The following PCDHGA7 variants were observed in gnomAD, a reference collection of about 807,000 sequenced individuals.
PCDHGA7 encodes protocadherin gamma-A7.
Under a neutral mutation model 58.3 loss-of-function variants are expected in PCDHGA7, and 44 were observed. The observed-to-expected ratio is 0.75, with a 90% CI of 0.59 to 0.97. PCDHGA7 has a LOEUF of 0.97. Among genes scored for constraint, PCDHGA7 ranks in the 50% least tolerant of loss-of-function variants. The pLI, the probability that PCDHGA7 is intolerant of heterozygous loss-of-function variation, is 0.00. For synonymous variants in PCDHGA7, 516 were observed against 504.2 expected (o/e 1.02, Z -0.31); for missense variants, 1,266 against 1,188.7 (o/e 1.06, Z -0.96).
Position 141,431,141 on chromosome 5 carries a change from G to T in PCDHGA7, c.2424+45818G>T. 1.2e-6 allele frequency: 2 copies of T among 1,614,212 alleles called. No homozygotes were observed. Among genetic ancestry groups the T allele is most frequent in the South Asian group, 1.1e-5 (1 of 91,084 alleles). On this transcript the variant is annotated intron_variant, in intron 1 of 3. Coordinates refer to ENST00000518325, the MANE Select transcript of PCDHGA7 (RefSeq NM_018920.4). This position sits in a 1 kb window ranked among gnomAD's most constrained non-coding sequence, Gnocchi z 4.8. ...AGAAGTAGAAGTAAGGGACATTAACGACAATGCGCCTTACTTTCGTGAAAG... is the reference window on the plus strand; with the variant it reads ...AGAAGTAGAAGTAAGGGACATTAACTACAATGCGCCTTACTTTCGTGAAAG...
intron 1 of PCDHGA7, chr5:141,418,211 C>T (rs752988020): frequency 1.2e-6 from 2 of 1,613,916 alleles, no homozygotes; most frequent in East Asian, 4.5e-5. Context: ...AAATATTTTT[C>T]ATGTCATTGT....
chr5:141,404,585 A>G (rs541341061), intron 1 of PCDHGA7: 2 of 1,614,006 alleles, frequency 1.2e-6, no homozygotes, highest in East Asian at 2.2e-5. Context: ...ACTTAGCAGC[A>G]ATGTGTCATT....
rs779651957 is a variant in PCDHGA7, at chr5:141,431,167, T to G, written c.2424+45844T>G. 2 of 1,614,118 alleles carry G rather than the reference T, an allele frequency of 1.2e-6. No individual in the cohort carries two copies. Among genetic ancestry groups the G allele is most frequent in the Non-Finnish European group, 1.7e-6 (2 of 1,180,014 alleles). The stretch of plus-strand genomic sequence containing the variant: ...ACAATGCGCCTTACTTTCGTGAAAG[T>G]GAATTAGAAATAAAAATTAGTGAAA... On this transcript the variant is annotated intron_variant, in intron 1 of 3. Transcript: ENST00000518325. The surrounding 1 kb of genome is among the most constrained non-coding windows in gnomAD (Gnocchi z 4.8).
At chr5:141,506,680 A>G (rs949777571) in intron 3 of PCDHGA7, among the ~76,000 whole-genome samples, 1 of 152,212 alleles carries the variant, frequency 6.6e-6, no homozygotes, top group Non-Finnish European at 1.5e-5. Context: ...ATATATTATT[A>G]TCTTTGCTGA....
At position 141,433,142 on chromosome 5, in the gene PCDHGA7, G is replaced by T. The variant is rs2097571106; in HGVS notation, c.2424+47819G>T. On this transcript the variant is annotated intron_variant, in intron 1 of 3. Coordinates refer to ENST00000518325, the MANE Select transcript of PCDHGA7 (RefSeq NM_018920.4). ...AAAAAGCGAGCCCCTTTTGCTGTCA[G>T]GTGATTCGGTATTTTCTAAAGACAG... The T allele has an allele frequency of 4.7e-5, 76 of 1,613,992 alleles. No homozygotes were observed. Among genetic ancestry groups the T allele is most frequent in the Non-Finnish European group, 6.4e-5 (76 of 1,180,016 alleles).
intron 1 of PCDHGA7, among the ~76,000 whole-genome samples, chr5:141,481,223 A>C (rs935737972): frequency 3.3e-5 from 5 of 152,242 alleles, no homozygotes; most frequent in Non-Finnish European, 7.3e-5. Context: ...AAGGTCTCCC[A>C]GCCTTAAAGT....
At chr5:141,430,206 TTATTA>T (rs1267858049) in intron 1 of PCDHGA7, among the ~76,000 whole-genome samples, 2 of 151,984 alleles carry the variant, frequency 1.3e-5, no homozygotes, top group African/African-American at 4.8e-5. Flanking sequence ...AAAGTTTAAA[TTATTA>T]TATTATATGA....
chr5:141,432,362 C>T lies in PCDHGA7; in HGVS notation c.2424+47039C>T. On this transcript the variant is annotated intron_variant, in intron 1 of 3. Transcript: ENST00000518325. The surrounding 1 kb of genome is among the most constrained non-coding windows in gnomAD (Gnocchi z 6.0). ...AGACTTGCAAGTGAAAGTGATGGCG[C>T]GGGACAACGGGCACCCGCCCCTCAG... 2 of 1,614,218 alleles carry T rather than the reference C, an allele frequency of 1.2e-6. No homozygotes were observed. Among genetic ancestry groups the T allele is most frequent in the South Asian group, 2.2e-5 (2 of 91,082 alleles).
At chr5:141,394,591 C>A in intron 1 of PCDHGA7, 2 of 1,613,762 alleles carry the variant, frequency 1.2e-6, no homozygotes, top group Non-Finnish European at 1.7e-6. Context: ...AAGGTGGTGG[C>A]GGTGGACAGA....
chr5:141,390,408 T>C, intron 1 of PCDHGA7: 1 of 1,254,846 alleles, frequency 8.0e-7, no homozygotes, highest in Non-Finnish European at 1.1e-6. Context: ...AGGAAAGTTG[T>C]AGTCAGTTAA....
At chr5:141,414,646 A>G in intron 1 of PCDHGA7, 2 of 1,613,928 alleles carry the variant, frequency 1.2e-6, no homozygotes, top group Non-Finnish European at 1.7e-6. Context: ...GAATGCCCAG[A>G]TTATTTACTC....
At chr5:141,495,452 C>T (rs543717781) in intron 2 of PCDHGA7, among the ~76,000 whole-genome samples, 1 of 152,356 alleles carries the variant, frequency 6.6e-6, no homozygotes, top group Non-Finnish European at 1.5e-5. Context: ...TTGTCCTGCT[C>T]TCTGTCTGTG....
intron 1 of PCDHGA7, among the ~76,000 whole-genome samples, chr5:141,460,120 A>C (rs1404213559): frequency 1.3e-5 from 2 of 151,956 alleles, no homozygotes; most frequent in Non-Finnish European, 2.9e-5. Flanking sequence ...ATTTTTATAT[A>C]TGTAATATAT....
chr5:141,441,840 C>T (rs2098278154), intron 1 of PCDHGA7: 1 of 355,864 alleles, frequency 2.8e-6, no homozygotes, highest in Non-Finnish European at 5.5e-6. Flanking sequence ...GCTTCGCGCT[C>T]TTGGATATGG....
intron 1 of PCDHGA7, chr5:141,422,118 ACAAACTGGAGAAGTT>A (rs1243312753): frequency 6.2e-7 from 1 of 1,604,312 alleles, no homozygotes; most frequent in Non-Finnish European, 8.5e-7. Flanking sequence ...AATTGGATTC[ACAAACTGGAGAAGTT>A]CAAGTACGGG....
At chr5:141,421,926 C>A in intron 1 of PCDHGA7, 1 of 1,613,460 alleles carries the variant, frequency 6.2e-7, no homozygotes, top group Non-Finnish European at 8.5e-7. Flanking sequence ...GTGTGGTGGT[C>A]CTCGATGTAA....
intron 1 of PCDHGA7, among the ~76,000 whole-genome samples, chr5:141,472,516 G>T (rs545962540): frequency 2.0e-5 from 3 of 152,072 alleles, no homozygotes; most frequent in Non-Finnish European, 4.4e-5. Flanking sequence ...CTCCAGCCTG[G>T]GTGACAGAGT....
intron 1 of PCDHGA7, among the ~76,000 whole-genome samples, chr5:141,461,644 A>C (rs1266858748): frequency 1.3e-5 from 2 of 151,868 alleles, no homozygotes; most frequent in Non-Finnish European, 2.9e-5. Flanking sequence ...TTCTTCTTTG[A>C]CCCATGGATT....
chr5:141,444,363 G>A (rs1292799006), intron 1 of PCDHGA7, among the ~76,000 whole-genome samples: 1 of 151,772 alleles, frequency 6.6e-6, no homozygotes, highest in Non-Finnish European at 1.5e-5. Context: ...TAGAGACGGG[G>A]TTTCTCCATG....
Sources: gnomAD v4.1 joint callset for allele counts (sites outside exome capture counted in the v4.1 genomes callset) on GRCh38, gnomAD v4.1.1 for gene constraint, Gnocchi (gnomAD v3.1) non-coding constraint, MANE v1.5 for transcripts, NCBI Gene and HGNC (gene_info 2026-07-23, HGNC 2026-07-21) for gene names.